ANGPT1: variants seen among roughly 807,000 people sequenced by gnomAD.
The protein encoded by ANGPT1 is angiopoietin-1.
A neutral mutation model predicts 62.2 loss-of-function variants in ANGPT1; 17 were observed. The observed-to-expected ratio is 0.27, with a 90% CI of 0.19 to 0.41. ANGPT1 has a LOEUF of 0.41. ANGPT1 is among the 10% of genes least tolerant of loss of function. The pLI is 1.00. For missense variants in ANGPT1, 478 were observed against 594.9 expected, an observed-to-expected ratio of 0.80 and a Z score of 2.04; for synonymous variants, 199 against 198.9, an observed-to-expected ratio of 1.00 and a Z score of 0.00.
chr8:107,343,118 C>T (rs1469131327), intron 2 of ANGPT1, among the ~76,000 whole-genome samples: 8 of 151,120 alleles, frequency 5.3e-5, no homozygotes, highest in African/African-American at 1.5e-4. Context: ...ATTTTAGGTG[C>T]GGGCCACTCT....
intron 2 of ANGPT1, among the ~76,000 whole-genome samples, chr8:107,339,676 G>A (rs890513621): frequency 1.3e-5 from 2 of 152,132 alleles, no homozygotes; most frequent in Non-Finnish European, 2.9e-5. Flanking sequence ...ACAGAGGCAG[G>A]AAGGCTCATC....
chr8:107,496,707 A>G (rs573173729), intron 1 of ANGPT1, among the ~76,000 whole-genome samples: 3 of 152,132 alleles, frequency 2.0e-5, no homozygotes, highest in Non-Finnish European at 4.4e-5. Flanking sequence ...CTACTATTCT[A>G]CCACTTGCTG....
chr8:107,256,099 TTTATC>T (rs1308480661), intron 8 of ANGPT1, among the ~76,000 whole-genome samples: 1 of 152,182 alleles, frequency 6.6e-6, no homozygotes, highest in Non-Finnish European at 1.5e-5. Context: ...CAATTAACTC[TTTATC>T]TTAAGACTAG....
At chr8:107,377,616 A>G (rs958095093) in intron 1 of ANGPT1, among the ~76,000 whole-genome samples, 1 of 152,210 alleles carries the variant, frequency 6.6e-6, no homozygotes, top group Admixed American at 6.5e-5. Context: ...GGAAGAAACT[A>G]CACTTGATGT....
chr8:107,451,824 T>C (rs1326548846), intron 1 of ANGPT1, among the ~76,000 whole-genome samples: 1 of 151,956 alleles, frequency 6.6e-6, no homozygotes. Context: ...TCTTAAATGT[T>C]TATGTTCATT....
rs758989138 is a variant in ANGPT1 at position 107,307,515 on chromosome 8, T to C, written c.809-4148A>G. ...GTTTACTCTGAAGATCAAAGCCATT[T>C]GATATGTCTCCTCCACTCCCTTCCT... is the stretch of plus-strand genomic sequence containing the variant. On this transcript the variant is annotated intron_variant, in intron 4 of 8. Coordinates refer to ENST00000517746, the MANE Select transcript of ANGPT1 (RefSeq NM_001146.5). Among the ~76,000 whole-genome samples the C allele has an allele frequency of 2.3e-4, 35 of 152,128 alleles. 1 individual carries two copies. Among genetic ancestry groups the C allele is most frequent in the Non-Finnish European group, 4.6e-4 (31 of 67,998 alleles).
intron 1 of ANGPT1, among the ~76,000 whole-genome samples, chr8:107,477,665 G>A (rs1377960970): frequency 6.6e-6 from 1 of 151,868 alleles, no homozygotes; most frequent in African/African-American, 2.4e-5. Flanking sequence ...TGCTTTCTTT[G>A]CCACATTAAG....
intron 1 of ANGPT1, among the ~76,000 whole-genome samples, chr8:107,493,459 T>C (rs1235431962): frequency 6.6e-6 from 1 of 150,464 alleles, no homozygotes; most frequent in Non-Finnish European, 1.5e-5. Flanking sequence ...AGATTCTAGA[T>C]TACTGGTTAA....
At chr8:107,493,200 T>A (rs1813010220) in intron 1 of ANGPT1, among the ~76,000 whole-genome samples, 1 of 150,286 alleles carries the variant, frequency 6.7e-6, no homozygotes, top group Non-Finnish European at 1.5e-5. Flanking sequence ...ATAAGCGACA[T>A]TTACTACACT....
At chr8:107,351,793 A>G (rs544042159) in intron 1 of ANGPT1, among the ~76,000 whole-genome samples, 3 of 152,036 alleles carry the variant, frequency 2.0e-5, no homozygotes, top group Non-Finnish European at 4.4e-5. Flanking sequence ...TCTTAGTAAC[A>G]TAAGTTTATT....
intron 1 of ANGPT1, among the ~76,000 whole-genome samples, chr8:107,407,759 C>T (rs1374188245): frequency 1.3e-5 from 2 of 152,166 alleles, no homozygotes; most frequent in African/African-American, 4.8e-5. Flanking sequence ...CATTTCACTG[C>T]TCCTTGGCAC....
At chr8:107,321,012 C>G (rs1314130362) in intron 4 of ANGPT1, among the ~76,000 whole-genome samples, 1 of 152,054 alleles carries the variant, frequency 6.6e-6, no homozygotes, top group Admixed American at 6.6e-5. Context: ...TCACTCATCA[C>G]CATTTACAAT....
At chr8:107,278,938 C>T (rs892883354) in intron 7 of ANGPT1, among the ~76,000 whole-genome samples, 1 of 152,120 alleles carries the variant, frequency 6.6e-6, no homozygotes, top group Non-Finnish European at 1.5e-5. Context: ...ACCTTATTTC[C>T]GTAAGACTCA....
At chr8:107,465,050 G>A (rs1812167125) in intron 1 of ANGPT1, among the ~76,000 whole-genome samples, 1 of 152,122 alleles carries the variant, frequency 6.6e-6, no homozygotes, top group South Asian at 2.1e-4. Context: ...GTCAGAGTAA[G>A]AGCAATAGCT....
At chr8:107,425,544 C>T (rs1284882309) in intron 1 of ANGPT1, among the ~76,000 whole-genome samples, 15 of 152,196 alleles carry the variant, frequency 9.9e-5, no homozygotes, top group Non-Finnish European at 2.9e-5. Flanking sequence ...GATAACATCA[C>T]ACTGCTCCTC....
intron 7 of ANGPT1, among the ~76,000 whole-genome samples, chr8:107,268,844 G>T (rs73309769): frequency 2.8e-4 from 43 of 152,112 alleles, no homozygotes; most frequent in Middle Eastern, 3.4e-3. Context: ...TGGTTGAAAT[G>T]ATGTACAAGT....
At chr8:107,426,418 G>T (rs183600539) in intron 1 of ANGPT1, among the ~76,000 whole-genome samples, 39 of 152,310 alleles carry the variant, frequency 2.6e-4, no homozygotes, top group Non-Finnish European at 5.1e-4. Context: ...TTTGCACTAA[G>T]TTACAGTGTC....
chr8:107,366,519 A>T (rs1816276676), intron 1 of ANGPT1, among the ~76,000 whole-genome samples: 2 of 152,222 alleles, frequency 1.3e-5, no homozygotes, highest in Admixed American at 1.3e-4. Context: ...TATGTACAAT[A>T]AACTCAACAC....
chr8:107,430,750 G>C (rs1441291963), intron 1 of ANGPT1, among the ~76,000 whole-genome samples: 1 of 152,166 alleles, frequency 6.6e-6, no homozygotes, highest in Non-Finnish European at 1.5e-5. Context: ...AGCCGAAAAA[G>C]ACAAAGAAAT....
Sources: gnomAD v4.1 joint callset for allele counts (sites outside exome capture counted in the v4.1 genomes callset) on GRCh38, gnomAD v4.1.1 for gene constraint, MANE v1.5 for transcripts, NCBI Gene and HGNC (gene_info 2026-07-23, HGNC 2026-07-21) for gene names.